The following ASIC2 variants were observed in gnomAD, a reference collection of about 807,000 sequenced individuals.
ASIC2 encodes the protein acid-sensing ion channel 2.
ASIC2 carries 25 observed loss-of-function variants against 57.3 expected under a neutral mutation model. The observed-to-expected ratio is 0.44, with a 90% CI of 0.32 to 0.61. The LOEUF is 0.61. Among genes scored for constraint, ASIC2 ranks in the 20% least tolerant of loss-of-function variants. The pLI is 0.06. For missense variants in ASIC2, 641 were observed against 738.1 expected, an observed-to-expected ratio of 0.87 and a Z score of 1.52; for synonymous variants, 319 against 307.5, an observed-to-expected ratio of 1.04 and a Z score of -0.39.
At chr17:33,869,593 A>T (rs1914335570) in intron 1 of ASIC2, among the ~76,000 whole-genome samples, 1 of 152,242 alleles carries the variant, frequency 6.6e-6, no homozygotes, top group South Asian at 2.1e-4. Flanking sequence ...ATGCTGCAAT[A>T]TGGATGCACT....
chr17:33,777,146 C>T (rs1911308027), intron 1 of ASIC2, among the ~76,000 whole-genome samples: 1 of 152,238 alleles, frequency 6.6e-6, no homozygotes, highest in Non-Finnish European at 1.5e-5. Flanking sequence ...CTTAGGGTCA[C>T]CATCTTCACC....
intron 1 of ASIC2, among the ~76,000 whole-genome samples, chr17:33,859,727 C>A (rs1424839415): frequency 6.6e-6 from 1 of 152,178 alleles, no homozygotes; most frequent in Non-Finnish European, 1.5e-5. Context: ...GCCACCCAAG[C>A]TAGAGTGCAG....
At chr17:33,724,788 T>C (rs1464546820) in intron 1 of ASIC2, among the ~76,000 whole-genome samples, 1 of 152,066 alleles carries the variant, frequency 6.6e-6, no homozygotes, top group Non-Finnish European at 1.5e-5. Context: ...ACTAATTGAG[T>C]TTGTATTAAT....
At chr17:34,111,069 C>G (rs1339924563) in intron 1 of ASIC2, among the ~76,000 whole-genome samples, 1 of 151,838 alleles carries the variant, frequency 6.6e-6, no homozygotes, top group Non-Finnish European at 1.5e-5. Flanking sequence ...ACTAAAAATA[C>G]AAAAAAGTTA....
intron 1 of ASIC2, among the ~76,000 whole-genome samples, chr17:33,443,431 T>TTTTTTTTTTTTA (rs869250934): frequency 7.4e-6 from 1 of 134,382 alleles, no homozygotes; most frequent in Admixed American, 7.5e-5. Context: ...TTTTTTTTTT[T>TTTTTTTTTTTTA]GAGACGGAGT....
chr17:33,423,735 C>G (rs1378413776), intron 1 of ASIC2, among the ~76,000 whole-genome samples: 1 of 152,180 alleles, frequency 6.6e-6, no homozygotes, highest in East Asian at 1.9e-4. Flanking sequence ...CAAACATTGG[C>G]ACCCATGATC....
At chr17:33,283,347 A>C (rs1436961830) in intron 1 of ASIC2, among the ~76,000 whole-genome samples, 1 of 152,194 alleles carries the variant, frequency 6.6e-6, no homozygotes, top group Non-Finnish European at 1.5e-5. Context: ...GACCAGCAGC[A>C]TCTGTACCAC....
chr17:34,133,573 G>A (rs892990260), intron 1 of ASIC2, among the ~76,000 whole-genome samples: 16 of 152,244 alleles, frequency 1.1e-4, no homozygotes, highest in Admixed American at 5.2e-4. Flanking sequence ...TGATGCCAAT[G>A]AGCCTGGTAC....
chr17:33,262,013 A>G (rs979396122), intron 1 of ASIC2, among the ~76,000 whole-genome samples: 12 of 152,154 alleles, frequency 7.9e-5, no homozygotes, highest in African/African-American at 2.9e-4. Flanking sequence ...GCATCTGGAG[A>G]CAGGAGTAAT....
At chr17:33,361,052 ACCTGGAAC>A (rs1326848873) in intron 1 of ASIC2, among the ~76,000 whole-genome samples, 3 of 152,132 alleles carry the variant, frequency 2.0e-5, no homozygotes, top group African/African-American at 7.2e-5. Flanking sequence ...GTACAAGGAG[ACCTGGAAC>A]CCTTGTTGGT....
chr17:33,996,048 G>C (rs1009855166), intron 1 of ASIC2, among the ~76,000 whole-genome samples: 32 of 152,032 alleles, frequency 2.1e-4, no homozygotes, highest in African/African-American at 7.2e-4. Flanking sequence ...ATTTTAACAG[G>C]TATGAGGTAA....
chr17:33,728,675 G>A (rs1238449688), intron 1 of ASIC2, among the ~76,000 whole-genome samples: 1 of 152,190 alleles, frequency 6.6e-6, no homozygotes, highest in Non-Finnish European at 1.5e-5. Flanking sequence ...GAGGACCCAG[G>A]AAATGTCACC....
intron 1 of ASIC2, among the ~76,000 whole-genome samples, chr17:33,818,419 A>T (rs1912651022): frequency 6.6e-6 from 1 of 152,186 alleles, no homozygotes; most frequent in African/African-American, 2.4e-5. Context: ...TTACAGAAGC[A>T]AGATCCATGG....
At chr17:33,988,600 C>G (rs1434328822) in intron 1 of ASIC2, among the ~76,000 whole-genome samples, 1 of 152,026 alleles carries the variant, frequency 6.6e-6, no homozygotes, top group Non-Finnish European at 1.5e-5. Flanking sequence ...GCTGATTTTC[C>G]CCTAAGTTGC....
intron 1 of ASIC2, among the ~76,000 whole-genome samples, chr17:33,612,569 T>C (rs1905445625): frequency 6.6e-6 from 1 of 152,224 alleles, no homozygotes; most frequent in African/African-American, 2.4e-5. Flanking sequence ...TCCTCTACAG[T>C]TCCCAGCCTC....
At chr17:33,516,342 TTGTA>T (rs940988967) in intron 1 of ASIC2, among the ~76,000 whole-genome samples, 9 of 151,052 alleles carry the variant, frequency 6.0e-5, no homozygotes, top group African/African-American at 1.5e-4. Context: ...GTGTGTGTGT[TTGTA>T]TGTGTGTGTG....
rs1426416947 is a variant in ASIC2 at position 33,390,345 on chromosome 17, C to T, written c.556-278278G>A. Among the ~76,000 whole-genome samples the T allele has an allele frequency of 3.9e-5, 6 of 152,102 alleles. No individual in the cohort carries two copies. The East Asian group carries it at 7.7e-4, about 20-fold the overall frequency. On this transcript the variant is annotated intron_variant, in intron 1 of 9. Transcript: ENST00000359872. ...CAAAAAAAAAGAAGCCCCTTTCCCT[C>T]TTCTCTTTTCTTCCTTTAGTGAACT...
Position 33,772,673 on chromosome 17 carries a change from G to A in ASIC2, c.555+383305C>T, listed in dbSNP as rs948553257. ...TGTACTATGCCATACCACTTTAGAC[G>A]AGGAAGAAAGGGAACTAATGTTTCC... is the stretch of plus-strand genomic sequence containing the variant. On this transcript the variant is annotated intron_variant, in intron 1 of 9. Transcript: ENST00000359872. 5.9e-5 allele frequency among the ~76,000 whole-genome samples: 9 copies of A among 152,098 alleles called. 1 individual carries two copies. The highest frequency in any genetic ancestry group is 4.1e-4 in the South Asian group (2 of 4,820).
chr17:33,979,328 G>A (rs1000434542), intron 1 of ASIC2, among the ~76,000 whole-genome samples: 5 of 152,144 alleles, frequency 3.3e-5, no homozygotes, highest in Non-Finnish European at 4.4e-5. Context: ...CTGGGTCATA[G>A]AGATTCAGAG....
Sources: gnomAD v4.1 joint callset for allele counts (sites outside exome capture counted in the v4.1 genomes callset) on GRCh38, gnomAD v4.1.1 for gene constraint, MANE v1.5 for transcripts, NCBI Gene and HGNC (gene_info 2026-07-23, HGNC 2026-07-21) for gene names.